Variants in GUSB observed in about 807,000 individuals in gnomAD.
GUSB encodes beta-glucuronidase.
In GUSB, 51 loss-of-function variants were observed where a neutral mutation model predicts 74.6. The observed-to-expected ratio is 0.68, with a 90% CI of 0.55 to 0.86. GUSB has a LOEUF of 0.86. GUSB is among the 40% of genes least tolerant of loss of function. GUSB has a pLI of 0.00. For synonymous variants in GUSB, 360 were observed against 348.3 expected (o/e 1.03, Z -0.37); for missense variants, 736 against 853.7 (o/e 0.86, Z 1.72).
rs774828816 is a variant in GUSB, at chr7:65,980,427, G to A, written c.211-18C>T. 2.1e-5 allele frequency: 34 copies of A among 1,609,082 alleles called. No homozygotes were observed. Among genetic ancestry groups the A allele is most frequent in the African/African-American group, 1.9e-4 (14 of 74,808 alleles). Reference sequence around the variant, plus strand: ...GGGCCTGACTGTGGAGAGAAGAGCCGGGCTCAGCTCCTAGGCCCCCAAAAG... The same window carrying A: ...GGGCCTGACTGTGGAGAGAAGAGCCAGGCTCAGCTCCTAGGCCCCCAAAAG... On this transcript the variant is annotated intron_variant, in intron 1 of 11. Coordinates refer to ENST00000304895, the MANE Select transcript of GUSB (RefSeq NM_000181.4).
At chr7:65,972,891 C>T (rs1280936846) in intron 8 of GUSB, among the ~76,000 whole-genome samples, 1 of 152,240 alleles carries the variant, frequency 6.6e-6, no homozygotes, top group East Asian at 1.9e-4. Flanking sequence ...GAGCCTTCTG[C>T]CTGCTGCAGA....
chr7:65,975,941 G>C (rs768781100), intron 5 of GUSB, 74 bp downstream of exon 5: 1 of 1,253,508 alleles, frequency 8.0e-7, no homozygotes, highest in Non-Finnish European at 1.1e-6. Flanking sequence ...CACCTGTCTT[G>C]GGCTCCTGCT....
chr7:65,981,888 G>A, intron 1 of GUSB, 86 bp downstream of exon 1: 1 of 1,216,006 alleles, frequency 8.2e-7, no homozygotes, highest in Non-Finnish European at 1.1e-6. Context: ...GAGACGCCCA[G>A]GGGAAGAAGT....
At position 65,976,023 on chromosome 7, in the gene GUSB, A is replaced by G. The variant is rs761828939; in HGVS notation, c.904T>C (p.Ser302Pro). 2 of 1,613,606 alleles carry G rather than the reference A, an allele frequency of 1.2e-6. No individual in the cohort carries two copies. Among genetic ancestry groups the G allele is most frequent in the Admixed American group, 3.3e-5 (2 of 59,994 alleles). The change falls in exon 5 of 12, where the codon TCA (serine) becomes CCA (proline). Residue 302 changes from serine to proline, a missense_variant. Physicochemically the swap from Ser to Pro is moderately conservative, Grantham distance 74. Around this residue, in one of 2 missense-constraint regions of GUSB, gnomAD observed 368 missense variants for 489.9 expected, o/e 0.75. Coordinates refer to ENST00000304895, the MANE Select transcript of GUSB (RefSeq NM_000181.4). ...LMHERPAYLY[S>P]LEVQLTAQTS... Reference sequence around the variant, plus strand: ...TCCCAAACCACCATTACCTCCAATGAATACAGATAGGCAGGGCGTTCGTGC... The same window carrying G: ...TCCCAAACCACCATTACCTCCAATGGATACAGATAGGCAGGGCGTTCGTGC...
At chr7:65,966,324 A>C (rs934179993) in intron 10 of GUSB, among the ~76,000 whole-genome samples, 12 of 152,280 alleles carry the variant, frequency 7.9e-5, no homozygotes, top group African/African-American at 2.9e-4. Flanking sequence ...AGCGCAGTCC[A>C]CTGTGGGTGG....
rs1051843349 is a variant in GUSB, at chr7:65,974,819, C to G, written c.1065+100G>C. On this transcript the variant is annotated intron_variant, in intron 6 of 11. Transcript: ENST00000304895. Reference sequence around the variant, plus strand: ...CCCCTCTCCATTTGGAGCCATTTGCCTCATTGCCCTGAGCTGCCCTCAACT... The same window carrying G: ...CCCCTCTCCATTTGGAGCCATTTGCGTCATTGCCCTGAGCTGCCCTCAACT... The G allele has an allele frequency of 5.8e-6, 9 of 1,554,948 alleles. No individual in the cohort carries two copies. The East Asian group carries it at 1.6e-4, about 27-fold the overall frequency.
At chr7:65,966,599 C>G (rs1790853409) in intron 10 of GUSB, among the ~76,000 whole-genome samples, 1 of 151,968 alleles carries the variant, frequency 6.6e-6, no homozygotes, top group East Asian at 1.9e-4. Context: ...TCTAGACCAG[C>G]CTGATAGACT....
chr7:65,980,557 G>GATCGCCCTGGCAGTTGACCT, intron 1 of GUSB, 148 bp from the exon 2 acceptor site: 2 of 747,728 alleles, frequency 2.7e-6, no homozygotes, highest in Non-Finnish European at 4.6e-6. Flanking sequence ...GCTGATGACA[G>GATCGCCCTGGCAGTTGACCT]GTCAACTGCC....
intron 10 of GUSB, among the ~76,000 whole-genome samples, chr7:65,965,908 T>C (rs112402002): frequency 3.3e-5 from 5 of 152,196 alleles, no homozygotes; most frequent in Admixed American, 6.5e-5. Context: ...CGGTGGCTCA[T>C]GCCTGTAATC....
chr7:65,976,244 A>T, intron 4 of GUSB, 42 bp from the exon 5 acceptor site: 3 of 1,443,552 alleles, frequency 2.1e-6, no homozygotes, highest in Non-Finnish European at 9.7e-7. Flanking sequence ...GAGGGACACG[A>T]CCTGAGTCAC....
At chr7:65,963,044 G>C (rs56077857) in intron 11 of GUSB, among the ~76,000 whole-genome samples, 1 of 151,894 alleles carries the variant, frequency 6.6e-6, no homozygotes, top group African/African-American at 2.4e-5. Context: ...TTTTAGTAGA[G>C]ATGGGGTTTC....
chr7:65,966,723 G>A (rs970906389), intron 10 of GUSB, among the ~76,000 whole-genome samples: 1 of 152,038 alleles, frequency 6.6e-6, no homozygotes, highest in African/African-American at 2.4e-5. Context: ...GTTCAAGGCT[G>A]CAGTGAGCTA....
chr7:65,960,874 C>A lies in GUSB; in HGVS notation c.*23G>T, dbSNP rs751073317. The A allele has an allele frequency of 1.2e-6, 2 of 1,608,472 alleles. No homozygotes were observed. The highest frequency in any genetic ancestry group is 3.3e-5 in the Admixed American group (2 of 60,000). On this transcript the variant is annotated 3_prime_UTR_variant, in exon 12 of 12. Coordinates refer to ENST00000304895, the MANE Select transcript of GUSB (RefSeq NM_000181.4). ...TCGCCCTGACTCGGGGAGGAAGGGA[C>A]ACGCAGGTGGTATCAGTCTTGCTCA...
At chr7:65,978,673 G>A (rs568904735) in intron 4 of GUSB, among the ~76,000 whole-genome samples, 12 of 151,188 alleles carry the variant, frequency 7.9e-5, no homozygotes, top group Non-Finnish European at 1.5e-4. Flanking sequence ...TCGGGAGGCT[G>A]AGGCAGGAGA....
rs150999162 is a variant in GUSB at position 65,976,114 on chromosome 7, C to T, written c.813G>A (p.Ala271=). 5.7e-5 allele frequency: 92 copies of T among 1,613,904 alleles called. 1 individual carries two copies. In the South Asian group the frequency reaches 5.8e-4, roughly 10 times the overall value. Reference sequence around the variant, plus strand: ...GTTGGCCCTGGGTCCCAGTCCCATTCGCCACGACTTTGTTTTCTGCATCCA... The same window carrying T: ...GTTGGCCCTGGGTCCCAGTCCCATTTGCCACGACTTTGTTTTCTGCATCCA... ...RLLDAENKVV[A]NGTGTQGQLK... The change falls in exon 5 of 12, where the codon GCG becomes GCA. Residue 271 remains alanine, a synonymous_variant. Transcript: ENST00000304895.
At chr7:65,964,072 T>C (rs1455964452) in intron 11 of GUSB, 2 of 509,946 alleles carry the variant, frequency 3.9e-6, no homozygotes, top group Non-Finnish European at 3.6e-6. Context: ...AAGCCAGCCA[T>C]TTCCGATTCA....
intron 4 of GUSB, 36 bp from the exon 5 acceptor site, chr7:65,976,238 GACACGACCTGAGTC>G (rs748041603): frequency 6.7e-7 from 1 of 1,489,642 alleles, no homozygotes; most frequent in Non-Finnish European, 9.3e-7. Flanking sequence ...CTGAGGGAGG[GACACGACCTGAGTC>G]ACACAAACAG....
chr7:65,972,311 A>G (rs1791267636), intron 8 of GUSB, among the ~76,000 whole-genome samples: 1 of 151,702 alleles, frequency 6.6e-6, no homozygotes, highest in Non-Finnish European at 1.5e-5. Flanking sequence ...ACAGACGCCC[A>G]CCTCTGTGTT....
chr7:65,974,934 C>T lies in GUSB; in HGVS notation c.1050G>A (p.Lys350=), dbSNP rs121918182. 198 of 1,613,888 alleles carry T rather than the reference C, an allele frequency of 1.2e-4. 1 individual carries two copies. In the East Asian group the frequency reaches 4.3e-3, roughly 35 times the overall value. Residue 350 remains lysine, a synonymous_variant, in exon 6 of 12, where the codon AAG becomes AAA. Coordinates refer to ENST00000304895, the MANE Select transcript of GUSB (RefSeq NM_000181.4). ...GKPFYFHGVN[K]HEDADIRGKG... ...CCCAACACACGTCCGCATCCTCATG[C>T]TTGTTGACACCGTGGAAATAGAAAG...
Sources: allele counts gnomAD v4.1 joint callset (sites outside exome capture counted in the v4.1 genomes callset), GRCh38; gene constraint gnomAD v4.1.1; regional missense constraint gnomAD v4.1.1; transcripts MANE v1.5; gene names NCBI Gene and HGNC (gene_info 2026-07-23, HGNC 2026-07-21).